The following CCDC172 variants were observed in gnomAD, a reference collection of about 807,000 sequenced individuals.
CCDC172 encodes the protein coiled-coil domain containing 172, also known as coiled-coil domain-containing protein 172.
Under a neutral mutation model 38.0 loss-of-function variants are expected in CCDC172, and 30 were observed. The ratio of observed to expected loss-of-function variants is 0.79; its 90% CI spans 0.59 to 1.07. CCDC172 has a LOEUF of 1.07. Ranked by LOEUF, CCDC172 falls within the 50% of genes least tolerant of loss-of-function variation. The pLI, the probability that CCDC172 is intolerant of heterozygous loss-of-function variation, is 0.00. For synonymous variants in CCDC172, 78 were observed against 88.3 expected (o/e 0.88, Z 0.66); for missense variants, 297 against 290.1 (o/e 1.02, Z -0.17).
At chr10:116,356,462 C>T (rs908894523) in intron 5 of CCDC172, among the ~76,000 whole-genome samples, 9 of 151,068 alleles carry the variant, frequency 6.0e-5, no homozygotes, top group East Asian at 3.9e-4. Flanking sequence ...GATCAGAGGC[C>T]GCAGAAGAAG....
chr10:116,342,073 A>G lies in CCDC172; in HGVS notation c.320A>G (p.Lys107Arg), dbSNP rs1364655209. The change falls in exon 5 of 9, where the codon AAA becomes AGA. Residue 107 changes from lysine to arginine, a missense_variant. Physicochemically the swap from Lys to Arg is conservative, Grantham distance 26. Transcript: ENST00000333254. The stretch of plus-strand genomic sequence containing the variant: ...AAACAAATGATAGAGGAGGAAGACA[A>G]ATTTATTAAGGAAATTACAGACTTT... ...IKKQMIEEED[K>R]FIKEITDFNN... 11 of 1,534,792 alleles carry G rather than the reference A, an allele frequency of 7.2e-6. No homozygotes were observed. The highest frequency in any genetic ancestry group is 1.4e-5 in the African/African-American group (1 of 69,400).
chr10:116,369,494 G>A (rs948069123), intron 7 of CCDC172, among the ~76,000 whole-genome samples: 23 of 151,556 alleles, frequency 1.5e-4, no homozygotes, highest in Non-Finnish European at 3.1e-4. Flanking sequence ...GTATCTTTCC[G>A]TTTTTTATTT....
intron 3 of CCDC172, among the ~76,000 whole-genome samples, chr10:116,332,515 A>C (rs1295104564): frequency 6.6e-6 from 1 of 152,116 alleles, no homozygotes; most frequent in Non-Finnish European, 1.5e-5. Flanking sequence ...TCACACTTGC[A>C]TGGAAACTTG....
intron 5 of CCDC172, among the ~76,000 whole-genome samples, chr10:116,349,203 C>A (rs895594008): frequency 6.6e-6 from 1 of 152,102 alleles, no homozygotes; most frequent in African/African-American, 2.4e-5. Context: ...CTCAGGGATC[C>A]CACTGATTCT....
intron 7 of CCDC172, among the ~76,000 whole-genome samples, chr10:116,371,957 G>A (rs1281839595): frequency 5.9e-5 from 9 of 151,982 alleles, no homozygotes; most frequent in Non-Finnish European, 1.0e-4. Flanking sequence ...TTCCCTACAC[G>A]GGGAAAGACT....
At chr10:116,347,340 A>G (rs1264267185) in intron 5 of CCDC172, among the ~76,000 whole-genome samples, 1 of 152,208 alleles carries the variant, frequency 6.6e-6, no homozygotes, top group Non-Finnish European at 1.5e-5. Flanking sequence ...TGAGCTGTCA[A>G]CTAGAATAAG....
chr10:116,369,966 G>C (rs1360913127), intron 7 of CCDC172, among the ~76,000 whole-genome samples: 1 of 151,844 alleles, frequency 6.6e-6, no homozygotes, highest in Non-Finnish European at 1.5e-5. Flanking sequence ...GTGAATTTGA[G>C]TGTTTATGCC....
At chr10:116,351,132 T>A (rs2134938757) in intron 5 of CCDC172, among the ~76,000 whole-genome samples, 1 of 152,286 alleles carries the variant, frequency 6.6e-6, no homozygotes, top group African/African-American at 2.4e-5. Context: ...TATTTCTCCA[T>A]CATTCTTGCC....
chr10:116,334,325 T>C (rs1191191558), intron 3 of CCDC172, among the ~76,000 whole-genome samples: 2 of 152,174 alleles, frequency 1.3e-5, no homozygotes, highest in African/African-American at 4.8e-5. Context: ...AAAATTAAGA[T>C]AGTTTGATTG....
chr10:116,341,009 A>G (rs957903471), intron 4 of CCDC172, among the ~76,000 whole-genome samples, 159 bp downstream of exon 4: 3 of 152,042 alleles, frequency 2.0e-5, no homozygotes, highest in Non-Finnish European at 4.4e-5. Context: ...ACCAATTGGT[A>G]GAGTAATACA....
At position 116,365,153 on chromosome 10, in the gene CCDC172, G is replaced by A. The variant is rs544317722; in HGVS notation, c.653+7215G>A. On this transcript the variant is annotated intron_variant, in intron 7 of 8. Coordinates refer to ENST00000333254, the MANE Select transcript of CCDC172 (RefSeq NM_198515.3). ...TATATTGCTTTGGCTAGCTGCAAAT[G>A]TATTAATATTCATGCCATTATCATC... is the stretch of plus-strand genomic sequence containing the variant. 2.0e-5 allele frequency among the ~76,000 whole-genome samples: 3 copies of A among 152,264 alleles called. No homozygotes were observed. In the Middle Eastern group the frequency reaches 0.01, roughly 518 times the overall value.
At chr10:116,330,674 A>C (rs1844651289) in intron 3 of CCDC172, among the ~76,000 whole-genome samples, 1 of 152,184 alleles carries the variant, frequency 6.6e-6, no homozygotes, top group Non-Finnish European at 1.5e-5. Flanking sequence ...AACGTATTAC[A>C]AAAGATTGAG....
intron 3 of CCDC172, 28 bp from the exon 4 acceptor site, chr10:116,340,706 T>C: frequency 5.4e-6 from 6 of 1,116,558 alleles, no homozygotes; most frequent in Non-Finnish European, 8.1e-6. Context: ...AATTGTTTTA[T>C]TCTGATTTCT....
rs1844964483 is a variant in CCDC172 at position 116,354,078 on chromosome 10, AT to A, written c.449-3301del. On this transcript the variant is annotated intron_variant, in intron 5 of 8. Coordinates refer to ENST00000333254, the MANE Select transcript of CCDC172 (RefSeq NM_198515.3). ...ACAGCATTTCAGTCTATGAAAGACC[AT>A]GTATGACAGTGGTGCAATAAGATTA... Among the ~76,000 whole-genome samples, 9 of 152,352 alleles carry A rather than the reference AT, an allele frequency of 5.9e-5. No individual in the cohort carries two copies. The South Asian group carries it at 1.2e-3, about 21-fold the overall frequency.
chr10:116,338,457 AAAC>A (rs1844756486), intron 3 of CCDC172, among the ~76,000 whole-genome samples: 1 of 152,158 alleles, frequency 6.6e-6, no homozygotes, highest in Non-Finnish European at 1.5e-5. Flanking sequence ...ATAAAAATAA[AAAC>A]AAAGAAGCAG....
chr10:116,375,505 C>G (rs1845234725), intron 7 of CCDC172, among the ~76,000 whole-genome samples: 1 of 121,088 alleles, frequency 8.3e-6, no homozygotes, highest in African/African-American at 3.1e-5. Context: ...TCCACATGTT[C>G]TCATTGTTCA....
chr10:116,326,358 G>T (rs1401204389), intron 3 of CCDC172, among the ~76,000 whole-genome samples: 2 of 152,158 alleles, frequency 1.3e-5, no homozygotes, highest in Non-Finnish European at 2.9e-5. Flanking sequence ...TATGGGTGGG[G>T]ACAGAGAGTT....
chr10:116,328,020 G>A (rs1156511742), intron 3 of CCDC172, among the ~76,000 whole-genome samples: 1 of 152,102 alleles, frequency 6.6e-6, no homozygotes, highest in Non-Finnish European at 1.5e-5. Context: ...TTTGAATAGA[G>A]CAGTGCTTGA....
chr10:116,378,105 C>T (rs1417491651), intron 7 of CCDC172, among the ~76,000 whole-genome samples: 3 of 151,674 alleles, frequency 2.0e-5, no homozygotes, highest in African/African-American at 7.3e-5. Flanking sequence ...CGCTTGAACC[C>T]AGGAAGCAGA....
Sources: gnomAD v4.1 joint callset for allele counts (sites outside exome capture counted in the v4.1 genomes callset) on GRCh38, gnomAD v4.1.1 for gene constraint, MANE v1.5 for transcripts, NCBI Gene and HGNC (gene_info 2026-07-23, HGNC 2026-07-21) for gene names.